Variants in GRIA1 observed in about 807,000 individuals in gnomAD.
The protein encoded by GRIA1 is glutamate ionotropic receptor AMPA type subunit 1.
A neutral mutation model predicts 99.2 loss-of-function variants in GRIA1; 31 were observed. That is an observed-to-expected ratio of 0.31 (90% CI 0.23 to 0.42). The LOEUF is 0.42. Among genes scored for constraint, GRIA1 ranks in the 10% least tolerant of loss-of-function variants. The pLI, the probability that GRIA1 is intolerant of heterozygous loss-of-function variation, is 1.00. For synonymous variants in GRIA1, 438 were observed against 432.4 expected, an observed-to-expected ratio of 1.01 and a Z score of -0.16; for missense variants, 782 against 1,157.5, an observed-to-expected ratio of 0.68 and a Z score of 4.71.
chr5:153,604,377 T>TA lies in GRIA1; in HGVS notation c.221-42543dup, dbSNP rs1174367653. On this transcript the variant is annotated intron_variant, in intron 2 of 15. Transcript: ENST00000285900. ...TGGCCCAAACAGAATTCTAATTTGT[T>TA]AAAAAAAACAGTTGCTAACCTTTCA... 3.9e-5 allele frequency among the ~76,000 whole-genome samples: 6 copies of TA among 152,032 alleles called. No individual in the cohort carries two copies. The South Asian group carries it at 6.2e-4, about 16-fold the overall frequency.
At chr5:153,730,796 A>G (rs550489407) in intron 11 of GRIA1, among the ~76,000 whole-genome samples, 1 of 152,220 alleles carries the variant, frequency 6.6e-6, no homozygotes, top group African/African-American at 2.4e-5. Context: ...GGCAGTTAGG[A>G]GAAGGAAGGA....
chr5:153,645,183 G>A (rs538335093), intron 2 of GRIA1, among the ~76,000 whole-genome samples: 1 of 152,174 alleles, frequency 6.6e-6, no homozygotes, highest in East Asian at 1.9e-4. Context: ...CTATAGAGTG[G>A]GTCAAGAGCA....
At chr5:153,659,074 G>T (rs901285148) in intron 5 of GRIA1, among the ~76,000 whole-genome samples, 2 of 152,014 alleles carry the variant, frequency 1.3e-5, no homozygotes, top group Non-Finnish European at 2.9e-5. Flanking sequence ...CCAATCCTCA[G>T]TTTCCTCATC....
chr5:153,491,249 A>AG, intron 1 of GRIA1: 1 of 1,345,768 alleles, frequency 7.4e-7, no homozygotes, highest in Non-Finnish European at 9.5e-7. Context: ...TTGGAGGAAA[A>AG]AAAAAATCAG....
intron 8 of GRIA1, among the ~76,000 whole-genome samples, chr5:153,690,335 G>C (rs1757655179): frequency 6.6e-6 from 1 of 151,964 alleles, no homozygotes; most frequent in African/African-American, 2.4e-5. Flanking sequence ...AAGAGCTTGG[G>C]CTTTAGAGGC....
At chr5:153,723,606 C>G (rs1292160255) in intron 11 of GRIA1, among the ~76,000 whole-genome samples, 2 of 152,182 alleles carry the variant, frequency 1.3e-5, no homozygotes, top group African/African-American at 4.8e-5. Flanking sequence ...CCACCTGGCT[C>G]GGAGGGTCCT....
intron 11 of GRIA1, among the ~76,000 whole-genome samples, chr5:153,711,627 G>A (rs549124066): frequency 5.9e-5 from 9 of 152,252 alleles, no homozygotes; most frequent in African/African-American, 1.7e-4. Context: ...GATCACCCAG[G>A]CGATACCTAT....
intron 14 of GRIA1, among the ~76,000 whole-genome samples, chr5:153,801,854 G>A (rs1273508343): frequency 6.7e-6 from 1 of 148,640 alleles, no homozygotes; most frequent in African/African-American, 2.5e-5. Flanking sequence ...GCACATCTAG[G>A]GGAAAGTTCA....
chr5:153,564,901 A>G (rs1186012468), intron 2 of GRIA1, among the ~76,000 whole-genome samples: 1 of 152,192 alleles, frequency 6.6e-6, no homozygotes, highest in Non-Finnish European at 1.5e-5. Flanking sequence ...TTAGTGATAA[A>G]TTATGCATCA....
chr5:153,699,297 A>T (rs1167317071), intron 10 of GRIA1, among the ~76,000 whole-genome samples: 1 of 152,214 alleles, frequency 6.6e-6, no homozygotes, highest in Non-Finnish European at 1.5e-5. Flanking sequence ...TTGTGACGTC[A>T]GTTGATTGTC....
chr5:153,574,471 C>T (rs896551865), intron 2 of GRIA1: 3 of 151,710 alleles, frequency 2.0e-5, no homozygotes, highest in African/African-American at 7.2e-5. Context: ...AACTTTAATG[C>T]AAAAAAGTCT....
At chr5:153,734,289 T>C (rs55937101) in intron 11 of GRIA1, among the ~76,000 whole-genome samples, 8,382 of 152,248 alleles carry the variant, frequency 0.055, 292 homozygotes, top group Non-Finnish European at 0.075. Flanking sequence ...TAAGTATTTG[T>C]TGAATTAGGG....
chr5:153,811,449 A>T lies in GRIA1; in HGVS notation c.*224A>T. 3.9e-6 allele frequency: 2 copies of T among 510,400 alleles called. No homozygotes were observed. The highest frequency in any genetic ancestry group is 7.1e-6 in the Non-Finnish European group (2 of 280,372). The allele number at this position is 510,400 out of a possible 1,614,324, so 31.6% of individuals were successfully genotyped here. A position where few individuals can be genotyped will look rare whatever the true frequency, so the allele number is the denominator to read the frequency against. On this transcript the variant is annotated 3_prime_UTR_variant, in exon 16 of 16. Transcript: ENST00000285900. ...ACCCTTTTCTGTTTGCTAAGTGAGG[A>T]TGAAAAAATAACACTGTACTGCAAT...
chr5:153,687,036 C>A (rs1412831932), intron 8 of GRIA1, among the ~76,000 whole-genome samples: 3 of 125,084 alleles, frequency 2.4e-5, no homozygotes, highest in East Asian at 3.9e-4. Context: ...GGGACTTCCT[C>A]CCCCCATCTC....
chr5:153,640,128 T>C (rs1753683649), intron 2 of GRIA1, among the ~76,000 whole-genome samples: 1 of 152,056 alleles, frequency 6.6e-6, no homozygotes, highest in Non-Finnish European at 1.5e-5. Context: ...ACAGGGTGAG[T>C]CTAAATTCCA....
At chr5:153,501,019 A>G (rs979985325) in intron 2 of GRIA1, among the ~76,000 whole-genome samples, 3 of 152,142 alleles carry the variant, frequency 2.0e-5, no homozygotes, top group African/African-American at 7.2e-5. Context: ...AACACCAGAG[A>G]TATATGATTA....
At chr5:153,731,553 T>C (rs1342637332) in intron 11 of GRIA1, among the ~76,000 whole-genome samples, 1 of 152,142 alleles carries the variant, frequency 6.6e-6, no homozygotes, top group Non-Finnish European at 1.5e-5. Context: ...TTTTCCAAAC[T>C]AGAATGTGAG....
intron 7 of GRIA1, among the ~76,000 whole-genome samples, chr5:153,684,942 G>A (rs898678585): frequency 1.1e-4 from 16 of 151,936 alleles, no homozygotes; most frequent in Admixed American, 4.6e-4. Flanking sequence ...GGTCAACCTC[G>A]AAACAGGAAC....
chr5:153,738,707 A>C (rs140980502), intron 11 of GRIA1, among the ~76,000 whole-genome samples: 3 of 132,300 alleles, frequency 2.3e-5, no homozygotes, highest in Admixed American at 7.6e-5. Context: ...TTGCGTGTTC[A>C]TCTCCATACC....
Sources: gnomAD v4.1 joint callset for allele counts (sites outside exome capture counted in the v4.1 genomes callset) on GRCh38, gnomAD v4.1.1 for gene constraint, MANE v1.5 for transcripts, NCBI Gene and HGNC (gene_info 2026-07-23, HGNC 2026-07-21) for gene names.